Variants in FBXW4 observed in about 807,000 individuals in gnomAD.
FBXW4 encodes F-box/WD repeat-containing protein 4.
In FBXW4, 40 loss-of-function variants were observed where a neutral mutation model predicts 61.8. The ratio of observed to expected loss-of-function variants is 0.65; its 90% confidence interval spans 0.50 to 0.84. The LOEUF is 0.84. FBXW4 is among the 40% of genes least tolerant of loss of function. FBXW4 has a pLI of 0.00. For synonymous variants in FBXW4, 311 were observed against 313.8 expected, an observed-to-expected ratio of 0.99 and a Z score of 0.10; for missense variants, 672 against 753.8, an observed-to-expected ratio of 0.89 and a Z score of 1.27.
chr10:101,615,405 C>T (rs941710907), intron 6 of FBXW4, among the ~76,000 whole-genome samples: 1 of 152,112 alleles, frequency 6.6e-6, no homozygotes, highest in South Asian at 2.1e-4. Flanking sequence ...GAGTCAAGTC[C>T]AGCAATTCTC....
At position 101,613,325 on chromosome 10, in the gene FBXW4, G is replaced by A. The variant is rs143025894; in HGVS notation, c.1302-848C>T. ...CTACCCCTCAACATCAAGTGCACCC[G>A]CTAATCCCTGCAGCCAGGGGATGGG... On this transcript the variant is annotated intron_variant, in intron 6 of 8. Transcript: ENST00000331272. 4.3e-4 allele frequency among the ~76,000 whole-genome samples: 65 copies of A among 152,332 alleles called. No homozygotes were observed. In the East Asian group the frequency reaches 9.8e-3, roughly 23 times the overall value.
chr10:101,646,834 C>T (rs2064103395), intron 5 of FBXW4, among the ~76,000 whole-genome samples: 1 of 152,160 alleles, frequency 6.6e-6, no homozygotes. Context: ...TAATTTCAAA[C>T]CCAGGACTTA....
intron 1 of FBXW4, among the ~76,000 whole-genome samples, chr10:101,690,101 T>A (rs897511229): frequency 1.3e-5 from 2 of 152,246 alleles, no homozygotes; most frequent in Non-Finnish European, 2.9e-5. Flanking sequence ...GGCAATAGAA[T>A]CTTTTAAAAA....
At chr10:101,640,484 C>CTTTTTTTTTTTTT (rs386372272) in intron 5 of FBXW4, among the ~76,000 whole-genome samples, 16 of 83,888 alleles carry the variant, frequency 1.9e-4, no homozygotes, top group East Asian at 1.2e-3. Flanking sequence ...CTTTCTTTCT[C>CTTTTTTTTTTTTT]TTTTTTTTTT....
chr10:101,612,557 T>C, intron 6 of FBXW4, 80 bp from the exon 7 acceptor site: 1 of 1,361,606 alleles, frequency 7.3e-7, no homozygotes, highest in Non-Finnish European at 9.7e-7. Context: ...GCATCAGACC[T>C]TGGGGAAATG....
At chr10:101,617,791 G>C (rs1235888579) in intron 6 of FBXW4, among the ~76,000 whole-genome samples, 1 of 152,108 alleles carries the variant, frequency 6.6e-6, no homozygotes, top group Non-Finnish European at 1.5e-5. Context: ...CAGGCAGAGA[G>C]CCAATTTCAA....
chr10:101,667,848 A>C (rs1403319139), intron 5 of FBXW4, 38 bp downstream of exon 5: 1 of 1,535,406 alleles, frequency 6.5e-7, no homozygotes, highest in Admixed American at 1.7e-5. Flanking sequence ...AAGCATTATT[A>C]TACAGGACAA....
At chr10:101,617,914 T>C (rs768795128) in intron 6 of FBXW4, among the ~76,000 whole-genome samples, 3 of 152,288 alleles carry the variant, frequency 2.0e-5, no homozygotes, top group Middle Eastern at 3.4e-3. Flanking sequence ...GAAAAAAAGC[T>C]ATCAGTAATG....
intron 7 of FBXW4, among the ~76,000 whole-genome samples, chr10:101,612,030 G>A (rs1265297439): frequency 1.3e-5 from 2 of 152,258 alleles, no homozygotes; most frequent in Non-Finnish European, 2.9e-5. Flanking sequence ...CTTGTCACTG[G>A]ACTCAAGAAA....
intron 5 of FBXW4, among the ~76,000 whole-genome samples, chr10:101,628,784 C>T (rs2063927226): frequency 6.6e-6 from 1 of 152,196 alleles, no homozygotes; most frequent in Admixed American, 6.5e-5. Flanking sequence ...CATGCAAGTA[C>T]ACATATCCCC....
At chr10:101,670,676 C>A (rs1248587323) in intron 4 of FBXW4, among the ~76,000 whole-genome samples, 1 of 152,178 alleles carries the variant, frequency 6.6e-6, no homozygotes, top group Non-Finnish European at 1.5e-5. Flanking sequence ...TACCAAGCCT[C>A]ACACACAGTA....
intron 4 of FBXW4, among the ~76,000 whole-genome samples, chr10:101,668,267 G>C (rs912195357): frequency 6.6e-6 from 1 of 152,192 alleles, no homozygotes. Flanking sequence ...ATTCCTCAGC[G>C]GAGACTTGAC....
chr10:101,624,992 T>C (rs559838328), intron 5 of FBXW4, 182 bp from the exon 6 acceptor site: 26 of 678,388 alleles, frequency 3.8e-5, no homozygotes, highest in African/African-American at 3.7e-4. Flanking sequence ...CTGTGAGGGG[T>C]GTAGCCCCCA....
At chr10:101,615,020 G>A (rs2063815403) in intron 6 of FBXW4, among the ~76,000 whole-genome samples, 1 of 151,042 alleles carries the variant, frequency 6.6e-6, no homozygotes, top group Non-Finnish European at 1.5e-5. Context: ...CAAGCTGTCT[G>A]TCTCCTCATC....
Position 101,673,534 on chromosome 10 carries a change from C to G in FBXW4, c.961G>C (p.Val321Leu). ...GAGTTGGCCAGCACAAAGTGGCAAA[C>G]GTCCTCATCATGCCCAGCAAAGACT... is the stretch of plus-strand genomic sequence containing the variant. The part of the protein sequence containing the change: ...LGVFAGHDED[V>L]CHFVLANSHI... Residue 321 changes from valine (V) to leucine (L), a missense_variant, in exon 3 of 9, where the codon GTT (valine) becomes CTT (leucine). Val to Leu is a conservative substitution (Grantham distance 32, BLOSUM62 1). This residue lies in a region of FBXW4 where 312 missense variants were observed against 370.1 expected (regional missense o/e 0.84). Coordinates refer to ENST00000331272, the MANE Select transcript of FBXW4 (RefSeq NM_022039.4). 1.2e-6 allele frequency: 2 copies of G among 1,613,964 alleles called. No individual in the cohort carries two copies. The highest frequency in any genetic ancestry group is 1.7e-6 in the Non-Finnish European group (2 of 1,179,874).
rs766994168 is a variant in FBXW4 at position 101,673,693 on chromosome 10, A to C, written c.822-20T>G. ...ATCTGACTGAAATGATGGAAAAGAA[A>C]ATTTAAAAGTCATCAAGATACAGTA... On this transcript the variant is annotated intron_variant, in intron 2 of 8. Transcript: ENST00000331272. The C allele has an allele frequency of 6.2e-7, 1 of 1,608,354 alleles. No individual in the cohort carries two copies. Among genetic ancestry groups the C allele is most frequent in the Non-Finnish European group, 8.5e-7 (1 of 1,175,598 alleles).
At position 101,610,705 on chromosome 10, in the gene FBXW4, G is replaced by A. The variant is rs1254481912; in HGVS notation, c.*586C>T. ...CTTTATTTTTACAAAAATGAAAATT[G>A]TAGCATGTCTCAACAGCCAGCCTGA... On this transcript the variant is annotated 3_prime_UTR_variant, in exon 9 of 9. Transcript: ENST00000331272. 1 of 152,314 alleles carries A rather than the reference G, an allele frequency of 6.6e-6. No individual in the cohort carries two copies. The highest frequency in any genetic ancestry group is 2.4e-5 in the African/African-American group (1 of 41,442). 9.4% of individuals were successfully genotyped at this position (152,314 alleles called of 1,614,324 possible).
At chr10:101,621,169 C>G (rs1487422538) in intron 6 of FBXW4, among the ~76,000 whole-genome samples, 1 of 152,148 alleles carries the variant, frequency 6.6e-6, no homozygotes, top group Non-Finnish European at 1.5e-5. Flanking sequence ...TTCCCTGTGC[C>G]AGGAGTTCAG....
At position 101,629,965 on chromosome 10, in the gene FBXW4, G is replaced by A. The variant is rs555452749; in HGVS notation, c.1236-5155C>T. 2.4e-4 allele frequency among the ~76,000 whole-genome samples: 36 copies of A among 152,266 alleles called. No homozygotes were observed. In the South Asian group the frequency reaches 5.2e-3, roughly 22 times the overall value. On this transcript the variant is annotated intron_variant, in intron 5 of 8. Coordinates refer to ENST00000331272, the MANE Select transcript of FBXW4 (RefSeq NM_022039.4). Reference sequence around the variant, plus strand: ...TGTGCCCCGTGGCTGGCCTAGAGCCGCCCAGCTGGCCCAGGCCCCAGCAGC... The same window carrying A: ...TGTGCCCCGTGGCTGGCCTAGAGCCACCCAGCTGGCCCAGGCCCCAGCAGC...
Sources: gnomAD v4.1 joint callset for allele counts (sites outside exome capture counted in the v4.1 genomes callset) on GRCh38, gnomAD v4.1.1 for gene constraint, gnomAD v4.1.1 regional missense constraint, MANE v1.5 for transcripts, NCBI Gene and HGNC (gene_info 2026-07-23, HGNC 2026-07-21) for gene names.